MNDA: variants seen among roughly 807,000 people sequenced by gnomAD.
The protein encoded by MNDA is epididymis secretory sperm binding protein.
A neutral mutation model predicts 37.8 loss-of-function variants in MNDA; 43 were observed. The observed-to-expected ratio is 1.14, with a 90% confidence interval of 0.89 to 1.47. The LOEUF (loss-of-function observed/expected upper bound fraction) is 1.47. MNDA is among the 40% of genes most tolerant of loss of function. The pLI, the probability that MNDA is intolerant of heterozygous loss-of-function variation, is 0.00. For synonymous variants in MNDA, 181 were observed against 169.0 expected, an observed-to-expected ratio of 1.07 and a Z score of -0.55; for missense variants, 536 against 476.0, an observed-to-expected ratio of 1.13 and a Z score of -1.17.
Position 158,832,292 on chromosome 1 carries a change from G to A in MNDA, c.-21+735G>A, listed in dbSNP as rs1441541445. 8.6e-5 allele frequency among the ~76,000 whole-genome samples: 13 copies of A among 151,916 alleles called. 1 individual carries two copies. Among genetic ancestry groups the A allele is most frequent in the Admixed American group, 8.5e-4 (13 of 15,262 alleles). ...ATTACTCCATGAGTACTTGAGAAGA[G>A]TTTATAAACGTTGGATTCCAAATTC... On this transcript the variant is annotated intron_variant, in intron 1 of 6. Coordinates refer to ENST00000368141, the MANE Select transcript of MNDA (RefSeq NM_002432.3).
chr1:158,837,319 A>G (rs1658938043), intron 1 of MNDA, among the ~76,000 whole-genome samples: 1 of 151,874 alleles, frequency 6.6e-6, no homozygotes, highest in Non-Finnish European at 1.5e-5. Context: ...AAAGTCTCTT[A>G]CTATTACCTT....
In MNDA at chr1:158,849,483, A is replaced by C. The variant is rs80254262; in HGVS notation, c.*246A>C. The C allele has an allele frequency of 4.9e-3, 2,127 of 432,500 alleles. 29 individuals carry two copies. The highest frequency in any genetic ancestry group is 0.036 in the African/African-American group (1,763 of 48,376). 26.8% of individuals were successfully genotyped at this position (432,500 alleles called of 1,614,324 possible). ...TATGACATTCACGAGGCAAAAAATA[A>C]AATATCTTTTTTTGAAGGACATTAT... On this transcript the variant is annotated 3_prime_UTR_variant, in exon 7 of 7. Coordinates refer to ENST00000368141, the MANE Select transcript of MNDA (RefSeq NM_002432.3).
Position 158,847,848 on chromosome 1 carries a change from T to C in MNDA, c.1108T>C (p.Phe370Leu), listed in dbSNP as rs1289119947. 2.5e-6 allele frequency: 4 copies of C among 1,614,090 alleles called. No individual in the cohort carries two copies. Among genetic ancestry groups the C allele is most frequent in the Admixed American group, 3.3e-5 (2 of 60,018 alleles). Residue 370 changes from phenylalanine (F) to leucine (L), a missense_variant, in exon 6 of 7, where the codon TTC becomes CTC. Coordinates refer to ENST00000368141, the MANE Select transcript of MNDA (RefSeq NM_002432.3). ...KCEKGDKLRL[F>L]CLQLRTVDRK... ...TGAGAAAGGAGATAAACTTCGACTCTTCTGCCTTCAACTGAGAACAGTTGA... is the reference window on the plus strand; with the variant it reads ...TGAGAAAGGAGATAAACTTCGACTCCTCTGCCTTCAACTGAGAACAGTTGA...
At chr1:158,847,314 T>C (rs1216865799) in intron 5 of MNDA, among the ~76,000 whole-genome samples, 2 of 152,176 alleles carry the variant, frequency 1.3e-5, no homozygotes, top group Non-Finnish European at 1.5e-5. Context: ...TTGAAATTTT[T>C]AAAAATTAAA....
intron 1 of MNDA, among the ~76,000 whole-genome samples, chr1:158,838,745 T>C (rs1658970821): frequency 1.3e-5 from 2 of 152,142 alleles, no homozygotes; most frequent in Admixed American, 6.6e-5. Context: ...ATGAACTTTA[T>C]AAGTTCTGTT....
At chr1:158,834,590 G>A (rs917654767) in intron 1 of MNDA, among the ~76,000 whole-genome samples, 2 of 151,994 alleles carry the variant, frequency 1.3e-5, no homozygotes, top group African/African-American at 4.8e-5. Flanking sequence ...TCTGTTAATT[G>A]TGTCTTTGAT....
At chr1:158,841,404 G>A (rs1659025673) in intron 1 of MNDA, among the ~76,000 whole-genome samples, 1 of 152,156 alleles carries the variant, frequency 6.6e-6, no homozygotes, top group Admixed American at 6.5e-5. Context: ...TTGTCTGACA[G>A]AAACCTTTTA....
At position 158,849,171 on chromosome 1, in the gene MNDA, T is replaced by G. The variant is rs1227243569; in HGVS notation, c.1177-19T>G. The G allele has an allele frequency of 3.1e-6, 5 of 1,597,256 alleles. No individual in the cohort carries two copies. Among genetic ancestry groups the G allele is most frequent in the Non-Finnish European group, 4.3e-6 (5 of 1,167,856 alleles). ...CAATATCTAGGGTCTCATTATGTCTTTCTTATCTCTCTTTAAAGGTCATCA... is the reference window on the plus strand; with the variant it reads ...CAATATCTAGGGTCTCATTATGTCTGTCTTATCTCTCTTTAAAGGTCATCA... On this transcript the variant is annotated intron_variant, in intron 6 of 6. Transcript: ENST00000368141.
Position 158,832,897 on chromosome 1 carries a change from A to G in MNDA, c.-21+1340A>G, listed in dbSNP as rs555439725. 6.1e-4 allele frequency among the ~76,000 whole-genome samples: 93 copies of G among 152,224 alleles called. 1 individual carries two copies. The Middle Eastern group carries it at 0.024, about 39-fold the overall frequency. On this transcript the variant is annotated intron_variant, in intron 1 of 6. Coordinates refer to ENST00000368141, the MANE Select transcript of MNDA (RefSeq NM_002432.3). ...AGTTTAGTCCAGATATGCAAATTCT[A>G]TAAAGGTATATATTTTAACTTGGTT...
intron 3 of MNDA, 31 bp from the exon 4 acceptor site, chr1:158,843,924 T>C (rs1300143894): frequency 6.5e-7 from 1 of 1,540,966 alleles, no homozygotes; most frequent in Non-Finnish European, 8.7e-7. Flanking sequence ...GATACTAAAC[T>C]CCATTAACAG....
At chr1:158,848,861 G>A (rs551311514) in intron 6 of MNDA, among the ~76,000 whole-genome samples, 2 of 152,170 alleles carry the variant, frequency 1.3e-5, no homozygotes, top group Admixed American at 6.5e-5. Context: ...TCAGCCATGT[G>A]AAAATATGTA....
intron 5 of MNDA, 23 bp downstream of exon 5, chr1:158,846,026 A>T: frequency 6.4e-7 from 1 of 1,554,750 alleles, no homozygotes; most frequent in Non-Finnish European, 8.7e-7. Context: ...TTTTGTTTTA[A>T]TTTTCTCTAC....
intron 1 of MNDA, among the ~76,000 whole-genome samples, chr1:158,836,106 T>C (rs1658908493): frequency 1.3e-5 from 2 of 151,718 alleles, no homozygotes; most frequent in Admixed American, 6.6e-5. Context: ...TAAATAAATT[T>C]AACGTGCTAT....
chr1:158,845,155 G>T (rs894632248), intron 4 of MNDA, among the ~76,000 whole-genome samples: 2 of 152,124 alleles, frequency 1.3e-5, no homozygotes, highest in Non-Finnish European at 2.9e-5. Context: ...AAAGTTGTTG[G>T]GTCGAAAGCT....
rs543007664 is a variant in MNDA, at chr1:158,842,181, T to C, written c.28T>C (p.Leu10=). Residue 10 remains leucine (L), a synonymous_variant, in exon 2 of 7, where the codon TTG becomes CTG. Transcript: ENST00000368141. The stretch of plus-strand genomic sequence containing the variant: ...GGTGAATGAATACAAGAAAATTCTT[T>C]TGCTGAAAGGATTTGAGCTCATGGA... MVNEYKKIL[L]LKGFELMDDY... 4 of 1,611,386 alleles carry C rather than the reference T, an allele frequency of 2.5e-6. No homozygotes were observed. The highest frequency in any genetic ancestry group is 3.4e-6 in the Non-Finnish European group (4 of 1,178,900).
chr1:158,844,287 T>A (rs1483083899), intron 4 of MNDA, among the ~76,000 whole-genome samples, 165 bp downstream of exon 4: 1 of 151,760 alleles, frequency 6.6e-6, no homozygotes, highest in Non-Finnish European at 1.5e-5. Flanking sequence ...AGAAGCCACA[T>A]GCAAGTAAAG....
At chr1:158,833,927 A>AT (rs1236159346) in intron 1 of MNDA, among the ~76,000 whole-genome samples, 1 of 152,090 alleles carries the variant, frequency 6.6e-6, no homozygotes, top group Non-Finnish European at 1.5e-5. Flanking sequence ...TAAGAATCAT[A>AT]TTTTTTTCAT....
rs138480183 is a variant in MNDA at position 158,844,121 on chromosome 1, C to T, written c.569C>T (p.Pro190Leu). Residue 190 changes from proline to leucine, a missense_variant and splice_region_variant, in exon 4 of 7, where the codon CCG (proline) becomes CTG (leucine). Pro to Leu is a moderately conservative substitution (Grantham distance 98, BLOSUM62 -3). Coordinates refer to ENST00000368141, the MANE Select transcript of MNDA (RefSeq NM_002432.3). ...SSTPSNTSFT[P>L]NQETQAQRQV... is the part of the protein sequence containing the mutation. ...ACTCCATCCAACACTTCGTTTACTC[C>T]GGTACACTCTTCCTGGTCCTCTTCT... The T allele has an allele frequency of 2.4e-4, 371 of 1,564,254 alleles. 3 individuals are homozygous for T. The East Asian group carries it at 4.9e-3, about 21-fold the overall frequency.
At chr1:158,847,998 GT>G in intron 6 of MNDA, 82 bp downstream of exon 6, 2 of 1,298,276 alleles carry the variant, frequency 1.5e-6, no homozygotes, top group South Asian at 2.8e-5. Context: ...GGTTCCTCAT[GT>G]ATTACTCAGA....
Sources: allele counts gnomAD v4.1 joint callset (sites outside exome capture counted in the v4.1 genomes callset), GRCh38; gene constraint gnomAD v4.1.1; transcripts MANE v1.5; gene names NCBI Gene and HGNC (gene_info 2026-07-23, HGNC 2026-07-21).